Variants in ESR2 observed in about 807,000 individuals in gnomAD.
ESR2 encodes estrogen receptor beta.
In ESR2, 36 loss-of-function variants were observed where a neutral mutation model predicts 49.6. The ratio of observed to expected loss-of-function variants is 0.73; its 90% confidence interval spans 0.56 to 0.96. The LOEUF (loss-of-function observed/expected upper bound fraction) is 0.96, where lower values mean the gene tolerates loss of function less well. ESR2 is among the 40% of genes least tolerant of loss of function. The pLI is 0.00. For synonymous variants in ESR2, 320 were observed against 266.1 expected, an observed-to-expected ratio of 1.20 and a Z score of -1.97; for missense variants, 714 against 693.0, an observed-to-expected ratio of 1.03 and a Z score of -0.34.
At chr14:64,284,195 C>A (rs1256243110) in intron 1 of ESR2, among the ~76,000 whole-genome samples, 2 of 152,034 alleles carry the variant, frequency 1.3e-5, no homozygotes, top group African/African-American at 4.8e-5. Context: ...TCCCAAAGTG[C>A]TGGGATTACA....
chr14:64,299,110 G>A (rs1032712431), upstream of ESR2, among the ~76,000 whole-genome samples: 71 of 150,230 alleles, frequency 4.7e-4, no homozygotes, highest in Admixed American at 1.5e-3. Flanking sequence ...TTCTGGCTCA[G>A]AAGATATTAA....
At chr14:64,329,032 G>A (rs567068256) in intron 1 of ESR2, among the ~76,000 whole-genome samples, 10 of 152,152 alleles carry the variant, frequency 6.6e-5, no homozygotes, top group East Asian at 1.9e-4. Context: ...CTTTAAGTAC[G>A]CCTACAATTA....
chr14:64,285,490 T>A (rs1400176524), intron 1 of ESR2, among the ~76,000 whole-genome samples: 1 of 152,102 alleles, frequency 6.6e-6, no homozygotes, highest in African/African-American at 2.4e-5. Flanking sequence ...ACAAACCTAA[T>A]CCTGCTTATC....
chr14:64,290,514 T>G (rs567880681), intron 1 of ESR2, among the ~76,000 whole-genome samples: 1 of 152,164 alleles, frequency 6.6e-6, no homozygotes, highest in Non-Finnish European at 1.5e-5. Context: ...GCAATTCTCA[T>G]GCCTCAGCCT....
In ESR2 at chr14:64,233,278, C is replaced by T; in HGVS notation, c.1452G>A (p.Val484=). The T allele has an allele frequency of 1.2e-6, 2 of 1,614,126 alleles. No homozygotes were observed. The highest frequency in any genetic ancestry group is 2.2e-5 in the East Asian group (1 of 44,886). Residue 484 remains valine, a synonymous_variant, in exon 9 of 9, where the codon GTG becomes GTA. Coordinates refer to ENST00000341099, the MANE Select transcript of ESR2 (RefSeq NM_001437.3). ...CCAGCAGCAGGTCATACACTGGGAC[C>T]ACATTTTTGCACTTCATGTTGAGCA... ...EHLLNMKCKN[V]VPVYDLLLEM...
chr14:64,236,632 G>A (rs759888987), intron 7 of ESR2, among the ~76,000 whole-genome samples: 19 of 152,008 alleles, frequency 1.2e-4, no homozygotes, highest in Non-Finnish European at 1.9e-4. Context: ...TGAATGTGTG[G>A]TGCTCCGAAC....
intron 5 of ESR2, 149 bp downstream of exon 5, chr14:64,260,300 T>C: frequency 2.4e-6 from 2 of 828,094 alleles, no homozygotes; most frequent in Admixed American, 1.7e-5. Flanking sequence ...GGAAGGAACA[T>C]ATTGCACTTA....
intron 3 of ESR2, among the ~76,000 whole-genome samples, chr14:64,278,471 G>A (rs564774132): frequency 1.6e-4 from 25 of 152,184 alleles, no homozygotes; most frequent in African/African-American, 5.5e-4. Context: ...GTTATCAATG[G>A]GTGAGTTAAT....
At position 64,233,005 on chromosome 14, in the gene ESR2, G is replaced by A. The variant is rs2098728710; in HGVS notation, c.*132C>T. 2 of 1,425,948 alleles carry A rather than the reference G, an allele frequency of 1.4e-6. No homozygotes were observed. Among genetic ancestry groups the A allele is most frequent in the Non-Finnish European group, 1.8e-6 (2 of 1,088,758 alleles). The allele number at this position is 1,425,948 out of a possible 1,614,324, so 88.3% of individuals were successfully genotyped here. A position where few individuals can be genotyped will look rare whatever the true frequency, so the allele number is the denominator to read the frequency against. Reference sequence around the variant, plus strand: ...GAGTTGGGAAGGTGGAGGGAAGGATGGTACATGACCAAGCCTGCCATCACC... The same window carrying A: ...GAGTTGGGAAGGTGGAGGGAAGGATAGTACATGACCAAGCCTGCCATCACC... On this transcript the variant is annotated 3_prime_UTR_variant, in exon 9 of 9. Transcript: ENST00000341099.
chr14:64,289,961 A>T (rs1244129748), intron 1 of ESR2, among the ~76,000 whole-genome samples: 1 of 152,232 alleles, frequency 6.6e-6, no homozygotes, highest in African/African-American at 2.4e-5. Context: ...AGAAGTAAAA[A>T]ATTCACGCTC....
Position 64,260,769 on chromosome 14 carries a change from A to AT in ESR2, c.653-22dup, listed in dbSNP as rs753898368. 4.2e-6 allele frequency: 6 copies of AT among 1,438,608 alleles called. No homozygotes were observed. In the Admixed American group the frequency reaches 1.7e-4, roughly 40 times the overall value. 89.1% of individuals were successfully genotyped at this position (1,438,608 alleles called of 1,614,324 possible). On this transcript the variant is annotated intron_variant, in intron 4 of 8. Coordinates refer to ENST00000341099, the MANE Select transcript of ESR2 (RefSeq NM_001437.3). ...GGAGCCTGAAGAGGAAAGCAGAGTC[A>AT]TTCGAATTGCCAGGGTAAAACCGCA...
intron 1 of ESR2, among the ~76,000 whole-genome samples, chr14:64,287,033 TTTTTC>T (rs2076795751): frequency 6.6e-6 from 1 of 152,006 alleles, no homozygotes; most frequent in African/African-American, 2.4e-5. Context: ...TGTTTTTTTT[TTTTTC>T]TTTTTTAATT....
At chr14:64,237,492 A>G (rs191551458) in intron 7 of ESR2, among the ~76,000 whole-genome samples, 1 of 152,324 alleles carries the variant, frequency 6.6e-6, no homozygotes, top group Admixed American at 6.5e-5. Context: ...CCATCAAGCA[A>G]TACTATGTCT....
intron 1 of ESR2, among the ~76,000 whole-genome samples, chr14:64,305,207 C>T (rs550908116): frequency 1.2e-4 from 17 of 146,360 alleles, no homozygotes; most frequent in South Asian, 2.2e-4. Flanking sequence ...AGGAGAATGG[C>T]GTGAACCCAG....
intron 1 of ESR2, among the ~76,000 whole-genome samples, chr14:64,309,429 T>C (rs988244758): frequency 2.6e-5 from 4 of 151,680 alleles, no homozygotes; most frequent in East Asian, 2.0e-4. Context: ...CTGGCCAACA[T>C]AGTGAAACCC....
downstream of ESR2, chr14:64,227,617 T>C (rs747570395): frequency 1.1e-5 from 18 of 1,614,170 alleles, no homozygotes; most frequent in Admixed American, 1.7e-5. Context: ...TTTCTGCCCT[T>C]AAGTAGAGAT....
At chr14:64,311,674 C>T (rs1249044104) in intron 1 of ESR2, among the ~76,000 whole-genome samples, 1 of 147,232 alleles carries the variant, frequency 6.8e-6, no homozygotes, top group Admixed American at 6.8e-5. Flanking sequence ...ATTAGCCAGG[C>T]ATGGTGGTGC....
intron 1 of ESR2, among the ~76,000 whole-genome samples, chr14:64,331,784 T>C (rs376505472): frequency 1.0e-4 from 15 of 146,322 alleles, no homozygotes; most frequent in African/African-American, 3.6e-4. Flanking sequence ...GATCATGCCA[T>C]TGCACTCCAG....
chr14:64,254,489 G>C (rs1200813085), intron 6 of ESR2, among the ~76,000 whole-genome samples: 2 of 151,772 alleles, frequency 1.3e-5, no homozygotes, highest in Non-Finnish European at 2.9e-5. Flanking sequence ...ACTCACGTCT[G>C]TAATCCCAAC....
Sources: allele counts gnomAD v4.1 joint callset (sites outside exome capture counted in the v4.1 genomes callset), GRCh38; gene constraint gnomAD v4.1.1; transcripts MANE v1.5; gene names NCBI Gene and HGNC (gene_info 2026-07-23, HGNC 2026-07-21).